MACROD2: variants seen among roughly 807,000 people sequenced by gnomAD.
MACROD2 encodes the protein mono-ADP ribosylhydrolase 2, also known as ADP-ribose glycohydrolase MACROD2.
MACROD2 carries 36 observed loss-of-function variants against 70.4 expected under a neutral mutation model. That is an observed-to-expected ratio of 0.51 (90% CI 0.39 to 0.68). MACROD2 has a LOEUF of 0.68. Ranked by LOEUF, MACROD2 falls within the 30% of genes least tolerant of loss-of-function variation. The pLI is 0.00. For missense variants in MACROD2, 496 were observed against 538.4 expected, an observed-to-expected ratio of 0.92 and a Z score of 0.78; for synonymous variants, 172 against 178.8, an observed-to-expected ratio of 0.96 and a Z score of 0.30.
At chr20:15,298,096 C>T (rs1173998845) in intron 6 of MACROD2, among the ~76,000 whole-genome samples, 1 of 152,134 alleles carries the variant, frequency 6.6e-6, no homozygotes, top group Non-Finnish European at 1.5e-5. Context: ...AGATTGAGAA[C>T]TGGGCTTTGG....
intron 10 of MACROD2, among the ~76,000 whole-genome samples, chr20:15,902,603 A>G (rs2065080764): frequency 6.6e-6 from 1 of 152,154 alleles, no homozygotes; most frequent in South Asian, 2.1e-4. Context: ...AGGTCACAAA[A>G]GATGGCTTCT....
intron 10 of MACROD2, among the ~76,000 whole-genome samples, chr20:15,908,063 T>G (rs988853550): frequency 6.6e-6 from 1 of 152,256 alleles, no homozygotes; most frequent in Non-Finnish European, 1.5e-5. Context: ...GCATATCTAT[T>G]TATGAACTGT....
intron 5 of MACROD2, among the ~76,000 whole-genome samples, chr20:15,229,140 T>C (rs929605246): frequency 6.6e-6 from 1 of 152,180 alleles, no homozygotes; most frequent in Non-Finnish European, 1.5e-5. Flanking sequence ...CAGTCCCCTT[T>C]CACTACATTC....
At chr20:14,380,290 G>A (rs1172967359) in intron 3 of MACROD2, among the ~76,000 whole-genome samples, 1 of 152,018 alleles carries the variant, frequency 6.6e-6, no homozygotes, top group African/African-American at 2.4e-5. Context: ...CCATTTTTTA[G>A]TTGGGTAGAG....
chr20:14,719,136 G>A (rs2071432812), intron 5 of MACROD2, among the ~76,000 whole-genome samples: 1 of 152,014 alleles, frequency 6.6e-6, no homozygotes, highest in African/African-American at 2.4e-5. Context: ...GGAGTCTGAG[G>A]CAGGAGAATC....
At chr20:15,511,482 G>A (rs967006748) in intron 8 of MACROD2, among the ~76,000 whole-genome samples, 6 of 152,098 alleles carry the variant, frequency 3.9e-5, no homozygotes, top group Non-Finnish European at 8.8e-5. Context: ...CTCCCCTAAA[G>A]CTGGAGACAA....
At chr20:14,365,913 G>GC (rs1408274824) in intron 3 of MACROD2, among the ~76,000 whole-genome samples, 3 of 152,128 alleles carry the variant, frequency 2.0e-5, no homozygotes, top group African/African-American at 7.2e-5. Context: ...GAATATTCCA[G>GC]TTTTTCTTCT....
At chr20:14,893,142 CT>C (rs1259194824) in intron 5 of MACROD2, 1 of 152,070 alleles carries the variant, frequency 6.6e-6, no homozygotes, top group African/African-American at 2.4e-5. Context: ...TTTTTTAAGG[CT>C]GAATAATATA....
chr20:15,719,244 G>A (rs16996421), intron 8 of MACROD2, among the ~76,000 whole-genome samples: 13,734 of 152,146 alleles, frequency 0.09, 669 homozygotes, highest in East Asian at 0.15. Flanking sequence ...TGGCAGTTCT[G>A]TTAAAAGGGA....
At chr20:14,936,557 T>A (rs2074341774) in intron 5 of MACROD2, among the ~76,000 whole-genome samples, 1 of 152,098 alleles carries the variant, frequency 6.6e-6, no homozygotes, top group Non-Finnish European at 1.5e-5. Flanking sequence ...CTAGTAAATC[T>A]TTGTAGCTCT....
intron 7 of MACROD2, among the ~76,000 whole-genome samples, chr20:15,458,623 T>A (rs1186507648): frequency 7.0e-6 from 1 of 142,360 alleles, no homozygotes; most frequent in Admixed American, 6.9e-5. Flanking sequence ...TTTTTTGTTT[T>A]TTTGTTTTTT....
chr20:15,638,299 A>G (rs965361566), intron 8 of MACROD2, among the ~76,000 whole-genome samples: 1 of 152,204 alleles, frequency 6.6e-6, no homozygotes, highest in African/African-American at 2.4e-5. Flanking sequence ...GAAATAAAAA[A>G]TATCTCAATA....
chr20:16,045,142 G>A (rs552073329), intron 17 of MACROD2, among the ~76,000 whole-genome samples: 6 of 152,086 alleles, frequency 3.9e-5, no homozygotes, highest in East Asian at 1.9e-4. Flanking sequence ...GGACCCGTGC[G>A]TCTGCACAAA....
chr20:15,983,256 A>G (rs7268722), intron 13 of MACROD2, among the ~76,000 whole-genome samples: 50,715 of 152,036 alleles, frequency 0.33, 8,804 homozygotes, highest in South Asian at 0.43. Flanking sequence ...TAGATGTGAG[A>G]GTTGAAAGAC....
intron 5 of MACROD2, among the ~76,000 whole-genome samples, chr20:14,827,692 GAA>G (rs1472204784): frequency 2.2e-5 from 3 of 138,604 alleles, no homozygotes; most frequent in Admixed American, 7.2e-5. Context: ...CTCCTTGCCA[GAA>G]AAAAAAAAAA....
intron 3 of MACROD2, among the ~76,000 whole-genome samples, chr20:14,388,734 T>C (rs913997668): frequency 3.9e-5 from 6 of 152,210 alleles, no homozygotes; most frequent in Admixed American, 2.6e-4. Flanking sequence ...TTTTTAATGT[T>C]GTGACTTCTC....
rs74500856 is a variant in MACROD2 at position 15,367,651 on chromosome 20, C to T, written c.541-63754C>T. ...TTTTTTTTTCTAATTCTATCTTCTC[C>T]TATGAAAGCCCTGATTATAAAATTA... On this transcript the variant is annotated intron_variant, in intron 6 of 17. Coordinates refer to ENST00000684519, the MANE Select transcript of MACROD2 (RefSeq NM_001351661.2). 1.1e-4 allele frequency among the ~76,000 whole-genome samples: 17 copies of T among 152,062 alleles called. No individual in the cohort carries two copies. The East Asian group carries it at 3.1e-3, about 28-fold the overall frequency.
chr20:14,584,140 A>C (rs1217644579), intron 4 of MACROD2, among the ~76,000 whole-genome samples: 1 of 152,272 alleles, frequency 6.6e-6, no homozygotes, highest in South Asian at 2.1e-4. Flanking sequence ...GGGCTTTCCT[A>C]TCCAGGAAAC....
intron 10 of MACROD2, among the ~76,000 whole-genome samples, chr20:15,890,028 T>C (rs1436710913): frequency 1.3e-5 from 2 of 152,316 alleles, no homozygotes; most frequent in East Asian, 1.9e-4. Flanking sequence ...TATGTATCTG[T>C]GACTTTCATT....
Sources: allele counts gnomAD v4.1 joint callset (sites outside exome capture counted in the v4.1 genomes callset), GRCh38; gene constraint gnomAD v4.1.1; transcripts MANE v1.5; gene names NCBI Gene and HGNC (gene_info 2026-07-23, HGNC 2026-07-21).